Variants in PINX1 observed in about 807,000 individuals in gnomAD.
PINX1 encodes the protein PIN2 (TERF1) interacting telomerase inhibitor 1.
Under a neutral mutation model 25.4 loss-of-function variants are expected in PINX1, and 34 were observed. That is an observed-to-expected ratio of 1.34 (90% CI 1.02 to 1.78). PINX1 has a LOEUF of 1.78. Ranked by LOEUF, PINX1 falls within the 40% of genes most tolerant of loss-of-function variation. The pLI is 0.00. For missense variants in PINX1, 592 were observed against 404.9 expected, an observed-to-expected ratio of 1.46 and a Z score of -3.97; for synonymous variants, 197 against 147.7, an observed-to-expected ratio of 1.33 and a Z score of -2.42.
chr8:10,809,741 C>T (rs757225990), intron 6 of PINX1, among the ~76,000 whole-genome samples: 1 of 152,234 alleles, frequency 6.6e-6, no homozygotes, highest in Non-Finnish European at 1.5e-5. Flanking sequence ...CTCATCAAAG[C>T]GGCTCTAAGG....
At chr8:10,820,561 C>T (rs990484837) in intron 5 of PINX1, among the ~76,000 whole-genome samples, 1 of 152,168 alleles carries the variant, frequency 6.6e-6, no homozygotes, top group African/African-American at 2.4e-5. Context: ...CTACAGCTCA[C>T]CCTACTCCCG....
chr8:10,831,834 G>A (rs1439356673), intron 3 of PINX1, 91 bp from the exon 4 acceptor site: 2 of 702,914 alleles, frequency 2.8e-6, no homozygotes, highest in African/African-American at 3.5e-5. Flanking sequence ...GAAATCCAGT[G>A]GTTAATTAAG....
intron 1 of PINX1, among the ~76,000 whole-genome samples, chr8:10,837,971 AT>A (rs1246080043): frequency 6.6e-6 from 1 of 152,254 alleles, no homozygotes; most frequent in Non-Finnish European, 1.5e-5. Flanking sequence ...CTTATAACAT[AT>A]AAGTGAGCCT....
intron 4 of PINX1, among the ~76,000 whole-genome samples, chr8:10,826,884 G>A (rs1198855084): frequency 1.3e-5 from 2 of 152,254 alleles, no homozygotes; most frequent in African/African-American, 4.8e-5. Context: ...GCATGAGGTT[G>A]CTGTGCCGTG....
At chr8:10,791,316 A>C (rs962375760) in intron 6 of PINX1, among the ~76,000 whole-genome samples, 3 of 152,200 alleles carry the variant, frequency 2.0e-5, no homozygotes, top group Admixed American at 6.5e-5. Context: ...GCTGCAGCTA[A>C]AGCATCTGAA....
Position 10,818,066 on chromosome 8 carries a change from C to T in PINX1, c.471+2127G>A, listed in dbSNP as rs146833969. On this transcript the variant is annotated intron_variant, in intron 6 of 6. Transcript: ENST00000314787. ...TAAAGCTCATTAGGCAATGCCAGGA[C>T]GACCTTGTTGAGAACTATGGCTACA... 3.9e-3 allele frequency among the ~76,000 whole-genome samples: 589 copies of T among 152,270 alleles called. 4 individuals carry two copies. The highest frequency in any genetic ancestry group is 5.6e-3 in the Non-Finnish European group (382 of 68,012).
chr8:10,772,830 C>G (rs1224178943), intron 6 of PINX1, among the ~76,000 whole-genome samples: 1 of 152,154 alleles, frequency 6.6e-6, no homozygotes, highest in Non-Finnish European at 1.5e-5. Context: ...GTGTAAGAAC[C>G]TGTGGCATGT....
chr8:10,771,043 C>A (rs1373539932), intron 6 of PINX1, among the ~76,000 whole-genome samples: 1 of 152,196 alleles, frequency 6.6e-6, no homozygotes, highest in Non-Finnish European at 1.5e-5. Context: ...GCCACCACAG[C>A]CTGTCTGTCA....
chr8:10,795,933 G>A (rs559571255), intron 6 of PINX1, among the ~76,000 whole-genome samples: 2 of 152,110 alleles, frequency 1.3e-5, no homozygotes, highest in South Asian at 2.1e-4. Flanking sequence ...AGCTTTGTAT[G>A]GATGAATAAA....
chr8:10,810,658 G>A (rs551898588), intron 6 of PINX1, among the ~76,000 whole-genome samples: 1 of 152,306 alleles, frequency 6.6e-6, no homozygotes, highest in East Asian at 1.9e-4. Flanking sequence ...GTCAACAAGG[G>A]AACTACCGAG....
chr8:10,789,600 A>T (rs1189412831), intron 6 of PINX1, among the ~76,000 whole-genome samples: 1 of 152,244 alleles, frequency 6.6e-6, no homozygotes, highest in Non-Finnish European at 1.5e-5. Context: ...GAGGAGTAGC[A>T]TTTTAGGAAT....
chr8:10,827,726 G>A (rs553986342), intron 4 of PINX1, among the ~76,000 whole-genome samples: 1 of 151,056 alleles, frequency 6.6e-6, no homozygotes, highest in South Asian at 2.1e-4. Flanking sequence ...CTAACATGGT[G>A]AAACCCCGTC....
At chr8:10,785,541 T>C (rs551791265) in intron 6 of PINX1, among the ~76,000 whole-genome samples, 2 of 152,220 alleles carry the variant, frequency 1.3e-5, no homozygotes, top group Non-Finnish European at 2.9e-5. Flanking sequence ...CACTCACTTA[T>C]ACAAACATTT....
chr8:10,799,900 C>A (rs561055516), intron 6 of PINX1, among the ~76,000 whole-genome samples: 1 of 152,200 alleles, frequency 6.6e-6, no homozygotes, highest in African/African-American at 2.4e-5. Context: ...CAACCACGGT[C>A]TGAGTTAGTC....
intron 6 of PINX1, among the ~76,000 whole-genome samples, chr8:10,775,413 T>TTTTTTTG (rs1563203223): frequency 3.6e-5 from 2 of 56,172 alleles, no homozygotes; most frequent in Admixed American, 2.0e-4. Flanking sequence ...TTTTGTGGTT[T>TTTTTTTG]TTTTTTTTTT....
chr8:10,831,600 A>G, intron 4 of PINX1, 65 bp downstream of exon 4: 12 of 1,010,732 alleles, frequency 1.2e-5, no homozygotes, highest in Middle Eastern at 2.0e-4. Context: ...AAAATAATAA[A>G]AGCAAAAAAC....
At chr8:10,810,257 G>A (rs936324856) in intron 6 of PINX1, among the ~76,000 whole-genome samples, 6 of 152,200 alleles carry the variant, frequency 3.9e-5, no homozygotes, top group African/African-American at 1.4e-4. Context: ...AGACACTACT[G>A]TTTCCTTCCT....
At chr8:10,826,015 C>CA (rs1211843509) in intron 5 of PINX1, 137 bp downstream of exon 5, 3 of 592,356 alleles carry the variant, frequency 5.1e-6, no homozygotes, top group Non-Finnish European at 9.0e-6. Context: ...GCGAAGACTC[C>CA]AGCGCTGTTT....
chr8:10,775,350 C>G, intron 6 of PINX1, among the ~76,000 whole-genome samples: 1 of 151,640 alleles, frequency 6.6e-6, no homozygotes, highest in Non-Finnish European at 1.5e-5. Context: ...AATTCAATGC[C>G]CTCCAGCATG....
Sources: allele counts gnomAD v4.1 joint callset (sites outside exome capture counted in the v4.1 genomes callset), GRCh38; gene constraint gnomAD v4.1.1; transcripts MANE v1.5; gene names NCBI Gene and HGNC (gene_info 2026-07-23, HGNC 2026-07-21).